Variants in PHF21B observed in about 807,000 individuals in gnomAD.
PHF21B encodes the protein PHD finger protein 21B.
PHF21B carries 22 observed loss-of-function variants against 62.2 expected under a neutral mutation model. The ratio of observed to expected loss-of-function variants is 0.35; its 90% CI spans 0.25 to 0.51. PHF21B has a LOEUF of 0.51. Among genes scored for constraint, PHF21B ranks in the 20% least tolerant of loss-of-function variants. The pLI, the probability that PHF21B is intolerant of heterozygous loss-of-function variation, is 0.97. For synonymous variants in PHF21B, 341 were observed against 314.7 expected (o/e 1.08, Z -0.88); for missense variants, 701 against 707.9 (o/e 0.99, Z 0.11).
chr22:44,977,580 G>A (rs1601669802), intron 2 of PHF21B, among the ~76,000 whole-genome samples: 2 of 151,502 alleles, frequency 1.3e-5, no homozygotes, highest in African/African-American at 4.9e-5. Context: ...AAAAAAAAAG[G>A]ATATCGCTTG....
chr22:44,890,992 G>A (rs963895297), intron 8 of PHF21B, among the ~76,000 whole-genome samples: 3 of 152,208 alleles, frequency 2.0e-5, no homozygotes, highest in African/African-American at 7.2e-5. Context: ...GGGAAGAGAG[G>A]TTGTCTCCAG....
intron 2 of PHF21B, among the ~76,000 whole-genome samples, chr22:44,987,287 G>A (rs561054009): frequency 1.3e-5 from 2 of 151,942 alleles, no homozygotes; most frequent in South Asian, 4.2e-4. Context: ...CAAGATGAGG[G>A]TGGGAACTAG....
chr22:44,960,206 G>C (rs150109058), intron 2 of PHF21B, among the ~76,000 whole-genome samples: 1 of 152,300 alleles, frequency 6.6e-6, no homozygotes, highest in Non-Finnish European at 1.5e-5. Context: ...GGGACCCAAG[G>C]CTGGATCCAT....
intron 2 of PHF21B, among the ~76,000 whole-genome samples, chr22:44,966,613 T>C (rs981882404): frequency 1.3e-5 from 2 of 152,072 alleles, no homozygotes; most frequent in African/African-American, 4.8e-5. Context: ...CTTCAGAGCC[T>C]GGGTCCCTCC....
intron 2 of PHF21B, among the ~76,000 whole-genome samples, chr22:44,920,814 T>A (rs1466268448): frequency 1.3e-5 from 2 of 152,200 alleles, no homozygotes; most frequent in Non-Finnish European, 2.9e-5. Flanking sequence ...AAGGACAAGG[T>A]GTGATGTCGC....
chr22:45,006,239 G>A (rs780877406), intron 2 of PHF21B, among the ~76,000 whole-genome samples: 3 of 152,068 alleles, frequency 2.0e-5, no homozygotes, highest in African/African-American at 2.4e-5. Flanking sequence ...CAACACCCTC[G>A]CAGTTAAAAA....
At chr22:44,925,862 C>T (rs898548269) in intron 2 of PHF21B, among the ~76,000 whole-genome samples, 3 of 152,198 alleles carry the variant, frequency 2.0e-5, no homozygotes, top group African/African-American at 7.2e-5. Context: ...CTGATCTCCC[C>T]GCCCCTGGCC....
chr22:44,917,779 G>A (rs888565700), intron 3 of PHF21B, among the ~76,000 whole-genome samples: 1 of 152,216 alleles, frequency 6.6e-6, no homozygotes, highest in Non-Finnish European at 1.5e-5. Context: ...GGAAGGAGTG[G>A]TCCAGGGTGG....
intron 2 of PHF21B, among the ~76,000 whole-genome samples, chr22:44,954,177 GTTTC>G (rs1569251549): frequency 6.6e-6 from 1 of 151,856 alleles, no homozygotes; most frequent in Non-Finnish European, 1.5e-5. Context: ...TGTACGTTTC[GTTTC>G]TTTCTTGTTG....
intron 2 of PHF21B, among the ~76,000 whole-genome samples, chr22:44,990,063 C>T (rs972126898): frequency 6.6e-6 from 1 of 152,246 alleles, no homozygotes; most frequent in Non-Finnish European, 1.5e-5. Context: ...TCCACCCATG[C>T]CCGTGTCCCC....
Position 44,916,509 on chromosome 22 carries a change from G to T in PHF21B, c.335C>A (p.Ala112Asp). Reference protein sequence around the residue: ...TVVSVKNPSPALPTANNTVSH... With the variant: ...TVVSVKNPSPDLPTANNTVSH... ...GACAGTGTTGTTGGCGGTGGGGAGG[G>T]CTGGGCTGGGGTTCTTGACGCTGAC... The change falls in exon 4 of 13, where the codon GCC (alanine) becomes GAC (aspartate). Residue 112 changes from alanine (A) to aspartate (D), a missense_variant. By Grantham distance (126) the Ala-to-Asp change is moderately radical (BLOSUM62 -2). Coordinates refer to ENST00000313237, the MANE Select transcript of PHF21B (RefSeq NM_138415.5). The T allele has an allele frequency of 6.2e-7, 1 of 1,608,968 alleles. No homozygotes were observed.
rs370056210 is a variant in PHF21B, at chr22:44,885,756, A to C, written c.1273+107T>G. ...CCCACTTTTCAGTGCTCTGGCCCTG[A>C]AGGGAATGGACCCACCTGTCCTCCC... On this transcript the variant is annotated intron_variant, in intron 11 of 12. Transcript: ENST00000313237. The C allele has an allele frequency of 5.2e-5, 64 of 1,238,686 alleles. 1 individual carries two copies. Among genetic ancestry groups the C allele is most frequent in the East Asian group, 5.1e-4 (22 of 42,744 alleles). The allele number at this position is 1,238,686 out of a possible 1,614,324, so 76.7% of individuals were successfully genotyped here.
intron 2 of PHF21B, among the ~76,000 whole-genome samples, chr22:45,005,785 G>T (rs571265221): frequency 6.6e-6 from 1 of 152,084 alleles, no homozygotes; most frequent in East Asian, 1.9e-4. Flanking sequence ...TCTGGAGGTG[G>T]AGATGGTATA....
chr22:45,009,856 GC>G lies in PHF21B; in HGVS notation c.-308del, dbSNP rs1730669847. On this transcript the variant is annotated 5_prime_UTR_variant, in exon 1 of 13. Transcript: ENST00000313237. This position sits in a 1 kb window ranked among gnomAD's most constrained non-coding sequence, Gnocchi z 5.9. ...CCCCCGGCGCCGGGAGCCCCGCGCA[GC>G]CCCGCGCGCGCCCGCCCAGCCGCCG... 1 of 146,356 alleles carries G rather than the reference GC, an allele frequency of 6.8e-6. No homozygotes were observed. The highest frequency in any genetic ancestry group is 2.5e-5 in the African/African-American group (1 of 40,640). The allele number at this position is 146,356 out of a possible 1,614,324, so 9.1% of individuals were successfully genotyped here.
At chr22:45,004,276 T>C (rs1485020439) in intron 2 of PHF21B, among the ~76,000 whole-genome samples, 1 of 152,188 alleles carries the variant, frequency 6.6e-6, no homozygotes, top group Admixed American at 6.5e-5. Context: ...TGTTTTTAAG[T>C]AGACGCAGTG....
Position 44,946,443 on chromosome 22 carries a change from G to A in PHF21B, c.121-25953C>T, listed in dbSNP as rs373110244. Reference sequence around the variant, plus strand: ...CTCGAAGAGTGCTGGCGTCCTGGGCGCTCAGTGTACACGTACTGAGTGGGA... The same window carrying A: ...CTCGAAGAGTGCTGGCGTCCTGGGCACTCAGTGTACACGTACTGAGTGGGA... On this transcript the variant is annotated intron_variant, in intron 2 of 12. Coordinates refer to ENST00000313237, the MANE Select transcript of PHF21B (RefSeq NM_138415.5). Among the ~76,000 whole-genome samples the A allele has an allele frequency of 4.6e-5, 7 of 152,068 alleles. No individual in the cohort carries two copies. In the East Asian group the frequency reaches 7.7e-4, roughly 17 times the overall value.
intron 2 of PHF21B, among the ~76,000 whole-genome samples, chr22:44,969,761 A>AT (rs2147444730): frequency 6.6e-6 from 1 of 152,344 alleles, no homozygotes; most frequent in Admixed American, 6.5e-5. Context: ...AGCATATGAC[A>AT]TGCATGGCTG....
Position 44,889,756 on chromosome 22 carries a change from G to C in PHF21B, c.1038+4C>G. On this transcript the variant is annotated splice_donor_region_variant and intron_variant, in intron 9 of 12. Transcript: ENST00000313237. ...GTGTGAAGACGGAGGGAGGGGACACGTACCTTCCAGCAGGGGTCCTCATTG... is the reference window on the plus strand; with the variant it reads ...GTGTGAAGACGGAGGGAGGGGACACCTACCTTCCAGCAGGGGTCCTCATTG... 1 of 1,576,928 alleles carries C rather than the reference G, an allele frequency of 6.3e-7. No homozygotes were observed. Among genetic ancestry groups the C allele is most frequent in the Non-Finnish European group, 8.6e-7 (1 of 1,166,002 alleles).
At chr22:44,923,024 T>C (rs1018127721) in intron 2 of PHF21B, among the ~76,000 whole-genome samples, 12 of 152,032 alleles carry the variant, frequency 7.9e-5, no homozygotes, top group South Asian at 6.2e-4. Context: ...GCCAAAACTA[T>C]GAAACAAACA....
Sources: gnomAD v4.1 joint callset for allele counts (sites outside exome capture counted in the v4.1 genomes callset) on GRCh38, gnomAD v4.1.1 for gene constraint, Gnocchi (gnomAD v3.1) non-coding constraint, MANE v1.5 for transcripts, NCBI Gene and HGNC (gene_info 2026-07-23, HGNC 2026-07-21) for gene names.